MNAT1: variants seen among roughly 807,000 people sequenced by gnomAD.
The protein encoded by MNAT1 is CDK-activating kinase assembly factor MAT1.
In MNAT1, 43 loss-of-function variants were observed where a neutral mutation model predicts 42.0. That is an observed-to-expected ratio of 1.02 (90% CI 0.80 to 1.32). MNAT1 has a LOEUF of 1.32. Among genes scored for constraint, MNAT1 ranks in the 40% most tolerant of loss-of-function variants. The pLI is 0.00. For synonymous variants in MNAT1, 118 were observed against 120.0 expected, an observed-to-expected ratio of 0.98 and a Z score of 0.11; for missense variants, 306 against 350.4, an observed-to-expected ratio of 0.87 and a Z score of 1.01.
rs541863823 is a variant in MNAT1 at position 60,872,883 on chromosome 14, C to CT, written c.688-6824dup. On this transcript the variant is annotated intron_variant, in intron 6 of 7. Transcript: ENST00000261245. ...ACACACACACACATATATATATGCA[C>CT]TTTTTTTCCCCTGAACCGTTCTAAA... is the stretch of plus-strand genomic sequence containing the variant. 1.8e-4 allele frequency among the ~76,000 whole-genome samples: 27 copies of CT among 150,576 alleles called. No individual in the cohort carries two copies. The South Asian group carries it at 5.5e-3, about 30-fold the overall frequency.
intron 6 of MNAT1, among the ~76,000 whole-genome samples, chr14:60,838,756 G>A (rs544153465): frequency 4.4e-4 from 67 of 152,180 alleles, no homozygotes; most frequent in African/African-American, 1.6e-3. Flanking sequence ...CTGCACTCTC[G>A]GGGGTCTGGG....
intron 1 of MNAT1, among the ~76,000 whole-genome samples, chr14:60,777,637 C>G (rs541040211): frequency 2.0e-5 from 3 of 151,992 alleles, no homozygotes; most frequent in African/African-American, 4.8e-5. Flanking sequence ...CTTAGTCCCC[C>G]CATTCTCATT....
intron 6 of MNAT1, among the ~76,000 whole-genome samples, chr14:60,849,361 A>G (rs533221029): frequency 1.3e-5 from 2 of 152,354 alleles, no homozygotes; most frequent in African/African-American, 4.8e-5. Context: ...TTTAAATTGA[A>G]TGGTACAATT....
At chr14:60,818,059 G>A (rs2032769192) in intron 5 of MNAT1, among the ~76,000 whole-genome samples, 1 of 151,964 alleles carries the variant, frequency 6.6e-6, no homozygotes, top group Admixed American at 6.5e-5. Context: ...CTTTAAAGAT[G>A]TAAGAGGACT....
chr14:60,869,062 C>T (rs1257568434), intron 6 of MNAT1, among the ~76,000 whole-genome samples: 8 of 81,736 alleles, frequency 9.8e-5, no homozygotes, highest in Middle Eastern at 0.011. Context: ...TTTTTTGAGA[C>T]GGAGTCTCGC....
chr14:60,945,247 G>GT (rs759325724), intron 7 of MNAT1, among the ~76,000 whole-genome samples: 8 of 151,230 alleles, frequency 5.3e-5, no homozygotes, highest in Non-Finnish European at 7.4e-5. Flanking sequence ...AGCACTTTCA[G>GT]TTTTTTTTCT....
At chr14:60,947,126 G>T (rs184375066) in intron 7 of MNAT1, among the ~76,000 whole-genome samples, 1 of 152,230 alleles carries the variant, frequency 6.6e-6, no homozygotes, top group East Asian at 1.9e-4. Context: ...TTCAACAGAA[G>T]AATTTTAAGG....
chr14:60,968,215 T>TAC lies in MNAT1; in HGVS notation c.810-14_810-13insAC, dbSNP rs1316306732. ...GCTTTGTATATCAATGCTACACTTC[T>TAC]TGTTTTGTTTTAGGTATTTAAACCA... On this transcript the variant is annotated splice_polypyrimidine_tract_variant and intron_variant, in intron 7 of 7. Transcript: ENST00000261245. 3 of 1,586,870 alleles carry TAC rather than the reference T, an allele frequency of 1.9e-6. No individual in the cohort carries two copies. In the East Asian group the frequency reaches 6.7e-5, roughly 35 times the overall value.
At chr14:60,897,899 C>T (rs1056799856) in intron 7 of MNAT1, among the ~76,000 whole-genome samples, 8 of 151,944 alleles carry the variant, frequency 5.3e-5, no homozygotes, top group African/African-American at 1.5e-4. Flanking sequence ...TTTTCCTTTC[C>T]GCCCTCACAC....
chr14:60,772,879 C>G (rs542410383), intron 1 of MNAT1, among the ~76,000 whole-genome samples: 1 of 150,418 alleles, frequency 6.6e-6, no homozygotes, highest in Non-Finnish European at 1.5e-5. Context: ...AAGGCAAAGT[C>G]CAAGAGCTGC....
intron 6 of MNAT1, among the ~76,000 whole-genome samples, chr14:60,822,402 C>T (rs985543443): frequency 7.2e-5 from 11 of 152,118 alleles, no homozygotes; most frequent in South Asian, 6.2e-4. Context: ...GTTGCTTCAG[C>T]AGCATACTTT....
At chr14:60,808,189 C>T in intron 3 of MNAT1, 136 bp from the exon 4 acceptor site, 1 of 521,274 alleles carries the variant, frequency 1.9e-6, no homozygotes, top group South Asian at 2.9e-5. Flanking sequence ...AAATAGGTAG[C>T]TGATTAAAAG....
intron 3 of MNAT1, among the ~76,000 whole-genome samples, chr14:60,805,954 G>A (rs2032355056): frequency 6.6e-6 from 1 of 152,160 alleles, no homozygotes; most frequent in African/African-American, 2.4e-5. Context: ...AAACTAGGAA[G>A]CTGTCTTCCA....
In MNAT1 at chr14:60,734,807, G is replaced by A; in HGVS notation, c.-56G>A. On this transcript the variant is annotated 5_prime_UTR_variant, in exon 1 of 8. Coordinates refer to ENST00000261245, the MANE Select transcript of MNAT1 (RefSeq NM_002431.4). The surrounding 1 kb of genome is among the most constrained non-coding windows in gnomAD (Gnocchi z 4.3). Reference sequence around the variant, plus strand: ...TGCTTGGTCGCGTCTGAGGGGGCTTGTAGGTGGCTCTGGCTGAAACAGGCG... The same window carrying A: ...TGCTTGGTCGCGTCTGAGGGGGCTTATAGGTGGCTCTGGCTGAAACAGGCG... 6.4e-7 allele frequency: 1 copy of A among 1,553,662 alleles called. No homozygotes were observed.
chr14:60,818,974 G>A, intron 6 of MNAT1, 127 bp downstream of exon 6: 9 of 1,075,180 alleles, frequency 8.4e-6, no homozygotes, highest in Non-Finnish European at 1.2e-5. Flanking sequence ...TCTAGTTTTA[G>A]GTGTCTGGAA....
intron 7 of MNAT1, among the ~76,000 whole-genome samples, chr14:60,940,756 A>G (rs754624215): frequency 3.6e-4 from 55 of 152,122 alleles, no homozygotes; most frequent in Non-Finnish European, 2.6e-4. Flanking sequence ...TCTGAATTCA[A>G]TGGCTTAATA....
chr14:60,897,770 A>G (rs910620817), intron 7 of MNAT1, among the ~76,000 whole-genome samples: 1 of 150,900 alleles, frequency 6.6e-6, no homozygotes, highest in African/African-American at 2.5e-5. Context: ...TCTTCTGGCT[A>G]CTTAGAAATA....
In MNAT1 at chr14:60,841,135, TTCTC is replaced by T. The variant is rs573207731; in HGVS notation, c.687+22295_687+22298del. ...TCTTACTGATTCTCTCTCTCTCTCTTTCTCTCTCTCCCTCTCTCCCTTTCCATTT... is the reference window on the plus strand; with the variant it reads ...TCTTACTGATTCTCTCTCTCTCTCTTTCTCTCCCTCTCTCCCTTTCCATTT... On this transcript the variant is annotated intron_variant, in intron 6 of 7. Coordinates refer to ENST00000261245, the MANE Select transcript of MNAT1 (RefSeq NM_002431.4). Among the ~76,000 whole-genome samples the T allele has an allele frequency of 2.4e-3, 363 of 151,210 alleles. 1 individual carries two copies. Among genetic ancestry groups the T allele is most frequent in the Non-Finnish European group, 4.2e-3 (284 of 67,590 alleles).
At chr14:60,801,057 A>T (rs1027907148) in intron 3 of MNAT1, among the ~76,000 whole-genome samples, 4 of 152,202 alleles carry the variant, frequency 2.6e-5, no homozygotes, top group Non-Finnish European at 1.5e-5. Context: ...TAAAGCAATT[A>T]ACCTAGCACT....
Sources: gnomAD v4.1 joint callset for allele counts (sites outside exome capture counted in the v4.1 genomes callset) on GRCh38, gnomAD v4.1.1 for gene constraint, Gnocchi (gnomAD v3.1) non-coding constraint, MANE v1.5 for transcripts, NCBI Gene and HGNC (gene_info 2026-07-23, HGNC 2026-07-21) for gene names.